SLC7A9: variants seen among roughly 807,000 people sequenced by gnomAD.
SLC7A9 encodes the protein B(0,+)-type amino acid transporter 1.
SLC7A9 carries 38 observed loss-of-function variants against 54.1 expected under a neutral mutation model. The observed-to-expected ratio is 0.70, with a 90% CI of 0.54 to 0.92. SLC7A9 has a LOEUF of 0.92. Among genes scored for constraint, SLC7A9 ranks in the 40% least tolerant of loss-of-function variants. The pLI is 0.00. For synonymous variants in SLC7A9, 264 were observed against 258.9 expected, an observed-to-expected ratio of 1.02 and a Z score of -0.19; for missense variants, 537 against 636.1, an observed-to-expected ratio of 0.84 and a Z score of 1.68.
At chr19:32,859,993 C>T (rs201360030) in intron 7 of SLC7A9, 29 bp from the exon 8 acceptor site, 42 of 1,613,900 alleles carry the variant, frequency 2.6e-5, no homozygotes, top group African/African-American at 5.3e-5. Flanking sequence ...CGGAGACCCA[C>T]GTTCAGACCA....
chr19:32,853,356 G>T (rs1264828928), intron 9 of SLC7A9, among the ~76,000 whole-genome samples: 1 of 152,130 alleles, frequency 6.6e-6, no homozygotes, highest in Non-Finnish European at 1.5e-5. Flanking sequence ...ATCTAGAATT[G>T]GATTGTGATG....
chr19:32,839,791 G>T (rs1264879137), intron 11 of SLC7A9, among the ~76,000 whole-genome samples: 1 of 152,176 alleles, frequency 6.6e-6, no homozygotes, highest in Non-Finnish European at 1.5e-5. Context: ...GCAGATGGGA[G>T]TGGGAACAGG....
chr19:32,833,778 C>T (rs564273968), intron 11 of SLC7A9, among the ~76,000 whole-genome samples: 5 of 149,312 alleles, frequency 3.3e-5, no homozygotes, highest in South Asian at 2.1e-4. Context: ...GCCTGGGCCA[C>T]GGGAGGGAAA....
chr19:32,847,620 T>C (rs1207421326), intron 9 of SLC7A9, among the ~76,000 whole-genome samples: 12 of 152,188 alleles, frequency 7.9e-5, no homozygotes, highest in Admixed American at 3.3e-4. Context: ...CTGCAGGGTA[T>C]TATCCAGGAG....
intron 9 of SLC7A9, among the ~76,000 whole-genome samples, chr19:32,845,366 G>T (rs902640254): frequency 6.6e-6 from 1 of 151,900 alleles, no homozygotes; most frequent in Non-Finnish European, 1.5e-5. Context: ...GTGGTGGCGG[G>T]CACCTGTAAC....
rs897311575 is a variant in SLC7A9 at position 32,868,618 on chromosome 19, C to G, written c.-84G>C. The G allele has an allele frequency of 4.3e-6, 5 of 1,155,394 alleles. No homozygotes were observed. The highest frequency in any genetic ancestry group is 6.5e-6 in the Non-Finnish European group (5 of 764,482). 71.6% of individuals were successfully genotyped at this position (1,155,394 alleles called of 1,614,324 possible). ...AGCAGCAGCAGACAAGACGCAAGTG[C>G]AAGCTCGGCCTGGACTAGGGGAGCT... On this transcript the variant is annotated 5_prime_UTR_variant, in exon 2 of 13. Transcript: ENST00000023064.
intron 9 of SLC7A9, among the ~76,000 whole-genome samples, chr19:32,856,736 G>C (rs1968639656): frequency 6.6e-6 from 1 of 152,154 alleles, no homozygotes. Context: ...TCTACACCCA[G>C]CTAATTTTTA....
In SLC7A9 at chr19:32,858,378, C is replaced by T. The variant is rs367809709; in HGVS notation, c.977+62G>A. 512 of 1,155,692 alleles carry T rather than the reference C, an allele frequency of 4.4e-4. 1 individual carries two copies. The highest frequency in any genetic ancestry group is 3.5e-3 in the African/African-American group (228 of 66,026). The allele number at this position is 1,155,692 out of a possible 1,614,324, so 71.6% of individuals were successfully genotyped here. On this transcript the variant is annotated intron_variant, in intron 9 of 12. Transcript: ENST00000023064. Reference sequence around the variant, plus strand: ...GAGGATTTTAGCTGTGTGTCTTCCTCGGGGGTGATATTGCTTTCGCCGCCC... The same window carrying T: ...GAGGATTTTAGCTGTGTGTCTTCCTTGGGGGTGATATTGCTTTCGCCGCCC...
At chr19:32,832,904 G>C (rs1967847336) in intron 12 of SLC7A9, 4 of 488,152 alleles carry the variant, frequency 8.2e-6, no homozygotes, top group African/African-American at 3.9e-5. Context: ...GCAAGACTGT[G>C]TCTCCAAAAA....
chr19:32,858,581 T>C (rs770862351), intron 8 of SLC7A9, 38 bp from the exon 9 acceptor site: 1 of 1,555,956 alleles, frequency 6.4e-7, no homozygotes, highest in South Asian at 1.1e-5. Context: ...AGGGTCTTTC[T>C]TGGCCTCCAA....
intron 11 of SLC7A9, among the ~76,000 whole-genome samples, chr19:32,836,840 AT>A (rs1967972144): frequency 6.6e-6 from 1 of 152,208 alleles, no homozygotes; most frequent in South Asian, 2.1e-4. Flanking sequence ...AGCCTTTAGC[AT>A]GGCCTGTCTT....
chr19:32,843,946 A>G lies in SLC7A9; in HGVS notation c.983T>C (p.Ile328Thr), dbSNP rs1346598305. ...NGTCFTAGRLIYVAGREGHML... is the reference protein window; with the variant it reads ...NGTCFTAGRLTYVAGREGHML... ...GTGACCCTCCCGGCCCGCCACGTAA[A>G]TGAGTCTGGAAAATAACGACACGGG... The change falls in exon 10 of 13, where the codon ATT becomes ACT. Residue 328 changes from isoleucine to threonine, a missense_variant. Physicochemically the swap from Ile to Thr is moderately conservative, Grantham distance 89. Transcript: ENST00000023064. 6.2e-7 allele frequency: 1 copy of G among 1,612,850 alleles called. No homozygotes were observed. Among genetic ancestry groups the G allele is most frequent in the South Asian group, 1.1e-5 (1 of 91,010 alleles).
At chr19:32,837,438 G>C (rs899301097) in intron 11 of SLC7A9, among the ~76,000 whole-genome samples, 5 of 141,956 alleles carry the variant, frequency 3.5e-5, no homozygotes, top group Non-Finnish European at 7.6e-5. Flanking sequence ...CGGTTGCAGT[G>C]AGTTGTAATC....
At chr19:32,868,930 T>C (rs193277655) in intron 1 of SLC7A9, among the ~76,000 whole-genome samples, 77 of 151,190 alleles carry the variant, frequency 5.1e-4, no homozygotes, top group Non-Finnish European at 8.0e-4. Flanking sequence ...CATCCCGGGC[T>C]GGGCACAGTG....
In SLC7A9 at chr19:32,841,831, G is replaced by C. The variant is rs117795380; in HGVS notation, c.1224+337C>G. ...CTGAAGCAGGAGAGTTGCCTGAACCGGGGAGGCAGAGGCTGCAGTGAGCCA... is the reference window on the plus strand; with the variant it reads ...CTGAAGCAGGAGAGTTGCCTGAACCCGGGAGGCAGAGGCTGCAGTGAGCCA... On this transcript the variant is annotated intron_variant, in intron 11 of 12. Coordinates refer to ENST00000023064, the MANE Select transcript of SLC7A9 (RefSeq NM_014270.5). Among the ~76,000 whole-genome samples, 158 of 152,216 alleles carry C rather than the reference G, an allele frequency of 1.0e-3. 1 individual carries two copies. The highest frequency in any genetic ancestry group is 1.9e-3 in the Non-Finnish European group (131 of 68,020).
intron 11 of SLC7A9, among the ~76,000 whole-genome samples, chr19:32,839,312 T>TG (rs1599655393): frequency 6.6e-6 from 1 of 152,136 alleles, no homozygotes; most frequent in African/African-American, 2.4e-5. Context: ...CCCAGCACTT[T>TG]GGAAGGCTGA....
At chr19:32,848,123 A>G (rs1440469854) in intron 9 of SLC7A9, among the ~76,000 whole-genome samples, 1 of 152,220 alleles carries the variant, frequency 6.6e-6, no homozygotes, top group Non-Finnish European at 1.5e-5. Context: ...AAGAAACTGC[A>G]TCAACTAACG....
rs1000961762 is a variant in SLC7A9 at position 32,860,500 on chromosome 19, T to C, written c.749+106A>G. 60 of 1,577,672 alleles carry C rather than the reference T, an allele frequency of 3.8e-5. No individual in the cohort carries two copies. The Admixed American group carries it at 1.1e-3, about 30-fold the overall frequency. The stretch of plus-strand genomic sequence containing the variant: ...AAAAAAAAAAAGAAATAATTCACTG[T>C]CGGGAAGGGCATCATGGAATACCCA... On this transcript the variant is annotated intron_variant, in intron 7 of 12. Transcript: ENST00000023064.
chr19:32,862,934 G>A lies in SLC7A9; in HGVS notation c.479-348C>T, dbSNP rs993698944. ...ACCGAAGACCAGCCCTCCTCTATCG[G>A]GGATGGTCATCCTTTTCCACCGAGT... On this transcript the variant is annotated intron_variant, in intron 4 of 12. Transcript: ENST00000023064. The A allele has an allele frequency of 1.2e-5, 2 of 166,982 alleles. 1 individual carries two copies. Among genetic ancestry groups the A allele is most frequent in the Middle Eastern group, 6.4e-3 (2 of 314 alleles). 10.3% of individuals were successfully genotyped at this position (166,982 alleles called of 1,614,324 possible). A position where few individuals can be genotyped will look rare whatever the true frequency, so the allele number is the denominator to read the frequency against.
Sources: allele counts gnomAD v4.1 joint callset (sites outside exome capture counted in the v4.1 genomes callset), GRCh38; gene constraint gnomAD v4.1.1; transcripts MANE v1.5; gene names NCBI Gene and HGNC (gene_info 2026-07-23, HGNC 2026-07-21).